Variants in ITGA6 observed in about 807,000 individuals in gnomAD.
The protein encoded by ITGA6 is integrin subunit alpha 6.
A neutral mutation model predicts 133.6 loss-of-function variants in ITGA6; 63 were observed. The ratio of observed to expected loss-of-function variants is 0.47; its 90% CI spans 0.38 to 0.58. The LOEUF (loss-of-function observed/expected upper bound fraction) is 0.58, where lower values mean the gene tolerates loss of function less well. Among genes scored for constraint, ITGA6 ranks in the 20% least tolerant of loss-of-function variants. The probability of loss-of-function intolerance (pLI) is 0.00; values close to 1 mark genes in which losing one functional copy is unlikely to be tolerated. For synonymous variants in ITGA6, 434 were observed against 482.0 expected (o/e 0.90, Z 1.30); for missense variants, 1,068 against 1,309.4 (o/e 0.82, Z 2.85).
intron 1 of ITGA6, among the ~76,000 whole-genome samples, chr2:172,458,132 G>T (rs1366029646): frequency 6.6e-6 from 1 of 152,122 alleles, no homozygotes; most frequent in Non-Finnish European, 1.5e-5. Context: ...CACCCTGGCT[G>T]TGGGGAAAAT....
intron 1 of ITGA6, among the ~76,000 whole-genome samples, chr2:172,428,973 G>T (rs997702885): frequency 1.3e-5 from 2 of 152,196 alleles, no homozygotes; most frequent in Admixed American, 6.5e-5. Flanking sequence ...AGCAACAAAA[G>T]GTCTCCCCTC....
chr2:172,490,039 T>C (rs1370878430), intron 20 of ITGA6: 3 of 200,274 alleles, frequency 1.5e-5, no homozygotes, highest in African/African-American at 7.1e-5. Flanking sequence ...GAAAAGATAA[T>C]GGCATCTCAG....
chr2:172,475,560 C>CG (rs1394919320), intron 7 of ITGA6, 37 bp from the exon 8 acceptor site: 2 of 1,068,364 alleles, frequency 1.9e-6, no homozygotes, highest in Non-Finnish European at 2.9e-6. Context: ...GTTTCTAAAG[C>CG]GTTTGTTAAA....
chr2:172,445,588 G>T (rs1255291629), intron 1 of ITGA6, among the ~76,000 whole-genome samples: 4 of 150,100 alleles, frequency 2.7e-5, no homozygotes, highest in African/African-American at 9.8e-5. Context: ...GGCGGAGCTT[G>T]CAGTGAGCTG....
At position 172,465,615 on chromosome 2, in the gene ITGA6, G is replaced by T. The variant is rs755151257; in HGVS notation, c.259G>T (p.Asp87Tyr). ...CAGAACGGGAGGGCTGTACAGCTGC[G>T]ACATCACCGCCCGGGGGCCATGCAC... Reference protein sequence around the residue: ...ANRTGGLYSCDITARGPCTRI... With the variant: ...ANRTGGLYSCYITARGPCTRI... Residue 87 changes from aspartate to tyrosine, a missense_variant, in exon 2 of 26, where the codon GAC becomes TAC. Asp to Tyr is a radical substitution (Grantham distance 160). Around this residue, in one of 3 missense-constraint regions of ITGA6, gnomAD observed 142 missense variants for 145.3 expected, o/e 0.98. Coordinates refer to ENST00000684293, the MANE Select transcript of ITGA6 (RefSeq NM_000210.4). 1 of 1,614,258 alleles carries T rather than the reference G, an allele frequency of 6.2e-7. No individual in the cohort carries two copies. The highest frequency in any genetic ancestry group is 1.1e-5 in the South Asian group (1 of 91,084).
At chr2:172,501,067 C>G (rs1478603876) in intron 24 of ITGA6, among the ~76,000 whole-genome samples, 1 of 152,162 alleles carries the variant, frequency 6.6e-6, no homozygotes, top group Non-Finnish European at 1.5e-5. Flanking sequence ...GAAAAGTTCT[C>G]TATCACTGAA....
At chr2:172,454,427 G>C (rs1016798277) in intron 1 of ITGA6, among the ~76,000 whole-genome samples, 1 of 152,164 alleles carries the variant, frequency 6.6e-6, no homozygotes, top group Non-Finnish European at 1.5e-5. Flanking sequence ...AGCCAGGAGA[G>C]TGGTGGTGGT....
At chr2:172,470,615 A>G (rs1685883791) in intron 4 of ITGA6, among the ~76,000 whole-genome samples, 1 of 152,234 alleles carries the variant, frequency 6.6e-6, no homozygotes, top group South Asian at 2.1e-4. Context: ...AGACAAATTG[A>G]GGCAGGATTA....
chr2:172,428,015 C>A, intron 1 of ITGA6, 45 bp downstream of exon 1: 1 of 1,571,080 alleles, frequency 6.4e-7, no homozygotes, highest in South Asian at 1.1e-5. Context: ...CGCCGGCCTG[C>A]GCGCGAGTTG....
In ITGA6 at chr2:172,506,419, T is replaced by G. The variant is rs1448610958; in HGVS notation, c.*2351T>G. On this transcript the variant is annotated 3_prime_UTR_variant, in exon 26 of 26. Coordinates refer to ENST00000684293, the MANE Select transcript of ITGA6 (RefSeq NM_000210.4). ...CCTCAAGTCTTTCATTTTCCTTCTT[T>G]ATGATTAAAAGAAACCTACAGGTAT... 1 of 152,168 alleles carries G rather than the reference T, an allele frequency of 6.6e-6. No homozygotes were observed. The highest frequency in any genetic ancestry group is 1.5e-5 in the Non-Finnish European group (1 of 68,018). The allele number at this position is 152,168 out of a possible 1,614,324, so 9.4% of individuals were successfully genotyped here. A position where few individuals can be genotyped will look rare whatever the true frequency, so the allele number is the denominator to read the frequency against.
upstream of ITGA6, chr2:172,427,440 A>G (rs1020935781): frequency 8.7e-6 from 9 of 1,030,552 alleles, no homozygotes; most frequent in African/African-American, 1.4e-4. Context: ...CCGGGCAGGT[A>G]CCGGGCAGCT....
At position 172,428,883 on chromosome 2, in the gene ITGA6, GGA is replaced by G. The variant is rs559462452; in HGVS notation, c.182+917_182+918del. ...TCCCACATGATCGGCTATTTAAGCC[GGA>G]GAGGGTATTTTGGCGCTTAGTCGCC... is the stretch of plus-strand genomic sequence containing the variant. On this transcript the variant is annotated intron_variant, in intron 1 of 25. Transcript: ENST00000684293. Among the ~76,000 whole-genome samples, 5 of 152,318 alleles carry G rather than the reference GGA, an allele frequency of 3.3e-5. No individual in the cohort carries two copies. The South Asian group carries it at 1.0e-3, about 32-fold the overall frequency.
At chr2:172,451,281 A>G (rs1684987179) in intron 1 of ITGA6, among the ~76,000 whole-genome samples, 2 of 152,040 alleles carry the variant, frequency 1.3e-5, no homozygotes, top group African/African-American at 4.8e-5. Context: ...ACTGGCCAAC[A>G]TGGTGAAACC....
intron 1 of ITGA6, among the ~76,000 whole-genome samples, chr2:172,446,466 G>A (rs1019702245): frequency 2.0e-5 from 3 of 152,188 alleles, no homozygotes; most frequent in Non-Finnish European, 4.4e-5. Flanking sequence ...ATTATTAAAA[G>A]TGATGAATTA....
chr2:172,440,900 T>TC (rs1684509522), intron 1 of ITGA6, among the ~76,000 whole-genome samples: 1 of 152,236 alleles, frequency 6.6e-6, no homozygotes, highest in Non-Finnish European at 1.5e-5. Flanking sequence ...CATTCTGTGT[T>TC]CTGATTGAAG....
Position 172,465,654 on chromosome 2 carries a change from G to C in ITGA6, c.298G>C (p.Asp100His). ...ARGPCTRIEF[D>H]NDADPTSESK... Reference sequence around the variant, plus strand: ...GGGGCCATGCACGCGGATCGAGTTTGATAACGATGGTGCGTTCCTTTCCCT... The same window carrying C: ...GGGGCCATGCACGCGGATCGAGTTTCATAACGATGGTGCGTTCCTTTCCCT... Residue 100 changes from aspartate to histidine, a missense_variant, in exon 2 of 26, where the codon GAT (aspartate) becomes CAT (histidine). Around this residue, in one of 3 missense-constraint regions of ITGA6, gnomAD observed 142 missense variants for 145.3 expected, o/e 0.98. Transcript: ENST00000684293. The C allele has an allele frequency of 1.2e-6, 2 of 1,614,200 alleles. No individual in the cohort carries two copies. Among genetic ancestry groups the C allele is most frequent in the Non-Finnish European group, 1.7e-6 (2 of 1,180,016 alleles).
chr2:172,433,289 A>G (rs1684181099), intron 1 of ITGA6, among the ~76,000 whole-genome samples: 1 of 152,214 alleles, frequency 6.6e-6, no homozygotes, highest in Non-Finnish European at 1.5e-5. Flanking sequence ...TTCTCAGCCC[A>G]GCCTAGATCT....
chr2:172,434,029 C>G (rs949665044), intron 1 of ITGA6, among the ~76,000 whole-genome samples: 17 of 152,166 alleles, frequency 1.1e-4, no homozygotes, highest in African/African-American at 4.1e-4. Context: ...CTTGAAAGCA[C>G]CCCCACACCT....
At chr2:172,493,831 T>C (rs1687019650) in intron 23 of ITGA6, among the ~76,000 whole-genome samples, 1 of 152,194 alleles carries the variant, frequency 6.6e-6, no homozygotes, top group African/African-American at 2.4e-5. Context: ...TTCTGGAAGA[T>C]GATGGAACTC....
Sources: allele counts gnomAD v4.1 joint callset (sites outside exome capture counted in the v4.1 genomes callset), GRCh38; gene constraint gnomAD v4.1.1; regional missense constraint gnomAD v4.1.1; transcripts MANE v1.5; gene names NCBI Gene and HGNC (gene_info 2026-07-23, HGNC 2026-07-21).